Variants in SYN2 observed in about 807,000 individuals in gnomAD.
SYN2 encodes synapsin II.
Under a neutral mutation model 50.9 loss-of-function variants are expected in SYN2, and 19 were observed. The observed-to-expected ratio is 0.37, with a 90% CI of 0.26 to 0.55. The LOEUF is 0.55. SYN2 is among the 20% of genes least tolerant of loss of function. SYN2 has a pLI of 0.81. For missense variants in SYN2, 587 were observed against 576.4 expected, an observed-to-expected ratio of 1.02 and a Z score of -0.19; for synonymous variants, 255 against 224.9, an observed-to-expected ratio of 1.13 and a Z score of -1.20.
intron 1 of SYN2, among the ~76,000 whole-genome samples, chr3:12,068,565 A>G (rs1375601957): frequency 6.6e-6 from 1 of 152,116 alleles, no homozygotes; most frequent in Non-Finnish European, 1.5e-5. Flanking sequence ...GAATTCCTTC[A>G]TTGTTGATTT....
chr3:12,025,439 C>T (rs1694236889), intron 1 of SYN2, among the ~76,000 whole-genome samples: 1 of 152,166 alleles, frequency 6.6e-6, no homozygotes, highest in African/African-American at 2.4e-5. Context: ...GAGATACTGC[C>T]TAAGTGCTTT....
intron 1 of SYN2, among the ~76,000 whole-genome samples, chr3:12,069,310 A>G (rs1695288209): frequency 6.6e-6 from 1 of 150,686 alleles, no homozygotes; most frequent in Non-Finnish European, 1.5e-5. Context: ...GTGCAGTGGC[A>G]CAATCTCAGC....
At chr3:12,068,942 T>C (rs970889901) in intron 1 of SYN2, among the ~76,000 whole-genome samples, 2 of 152,222 alleles carry the variant, frequency 1.3e-5, no homozygotes, top group African/African-American at 4.8e-5. Flanking sequence ...CTTCTCAGCC[T>C]TAGGTCACCA....
intron 1 of SYN2, among the ~76,000 whole-genome samples, chr3:12,056,308 G>T (rs565928098): frequency 6.6e-6 from 1 of 152,208 alleles, no homozygotes; most frequent in East Asian, 1.9e-4. Context: ...GACTGGGACT[G>T]GGTATTGAAG....
intron 1 of SYN2, among the ~76,000 whole-genome samples, chr3:12,083,611 C>G (rs1433457351): frequency 6.6e-6 from 1 of 152,116 alleles, no homozygotes; most frequent in Non-Finnish European, 1.5e-5. Context: ...TCCTGAAATT[C>G]CTATGTCATT....
chr3:12,052,939 C>T (rs896948199), intron 1 of SYN2, among the ~76,000 whole-genome samples: 1 of 152,152 alleles, frequency 6.6e-6, no homozygotes, highest in African/African-American at 2.4e-5. Context: ...TCCCATATCT[C>T]TTCTGAAGAT....
chr3:12,137,982 G>A (rs1459502585), intron 1 of SYN2, among the ~76,000 whole-genome samples: 3 of 152,160 alleles, frequency 2.0e-5, no homozygotes, highest in Non-Finnish European at 4.4e-5. Context: ...AACCAGGAAA[G>A]GGTACAGCTA....
intron 1 of SYN2, among the ~76,000 whole-genome samples, chr3:12,103,306 A>T (rs982913163): frequency 6.6e-6 from 1 of 152,168 alleles, no homozygotes; most frequent in Non-Finnish European, 1.5e-5. Context: ...CCAGAAGGAA[A>T]ATCTAAGATG....
intron 1 of SYN2, among the ~76,000 whole-genome samples, chr3:12,051,148 T>G (rs1354577818): frequency 1.3e-5 from 2 of 152,188 alleles, no homozygotes; most frequent in Non-Finnish European, 2.9e-5. Flanking sequence ...ATCCTAGTCT[T>G]TTGACTTCCA....
intron 5 of SYN2, chr3:12,157,375 C>T: frequency 6.2e-7 from 1 of 1,613,652 alleles, no homozygotes; most frequent in South Asian, 1.1e-5. Context: ...CCCAGCCTGC[C>T]CCCATGTACC....
intron 10 of SYN2, among the ~76,000 whole-genome samples, chr3:12,179,628 A>C (rs78513075): frequency 6.6e-6 from 1 of 152,188 alleles, no homozygotes; most frequent in African/African-American, 2.4e-5. Flanking sequence ...CATTTATACC[A>C]TTTGGGAAAC....
chr3:12,070,380 C>G (rs1294902008), intron 1 of SYN2: 1 of 525,768 alleles, frequency 1.9e-6, no homozygotes, highest in Non-Finnish European at 3.8e-6. Flanking sequence ...AGAAGGACTC[C>G]TACGTGGGTG....
intron 5 of SYN2, among the ~76,000 whole-genome samples, chr3:12,158,348 A>G (rs1697520920): frequency 6.6e-6 from 1 of 152,116 alleles, no homozygotes; most frequent in African/African-American, 2.4e-5. Context: ...GGTAGTTACA[A>G]TGCAAGCCCT....
At chr3:12,123,589 T>TGAGACC (rs1313160489) in intron 1 of SYN2, among the ~76,000 whole-genome samples, 1 of 152,090 alleles carries the variant, frequency 6.6e-6, no homozygotes, top group Non-Finnish European at 1.5e-5. Flanking sequence ...GGCAATGTAG[T>TGAGACC]GAGACCCTGT....
intron 1 of SYN2, among the ~76,000 whole-genome samples, chr3:12,052,287 A>G (rs943526025): frequency 2.0e-5 from 3 of 151,626 alleles, no homozygotes; most frequent in African/African-American, 7.3e-5. Flanking sequence ...CCTCTGTTCT[A>G]TTCATTTCTT....
chr3:12,045,360 G>A lies in SYN2; in HGVS notation c.377+40432G>A, dbSNP rs566767478. ...AAATGGATTGTTCTTTGCTGCAAGC[G>A]GAGTTTTGTTTGTAAAATGTAGAAA... On this transcript the variant is annotated intron_variant, in intron 1 of 12. Transcript: ENST00000621198. Among the ~76,000 whole-genome samples, 9 of 152,308 alleles carry A rather than the reference G, an allele frequency of 5.9e-5. No homozygotes were observed. The East Asian group carries it at 1.7e-3, about 29-fold the overall frequency.
intron 1 of SYN2, among the ~76,000 whole-genome samples, chr3:12,080,145 G>C (rs982419815): frequency 2.6e-5 from 4 of 152,016 alleles, no homozygotes; most frequent in Non-Finnish European, 5.9e-5. Context: ...GGTCAGTGGT[G>C]ATATCCCCAT....
intron 1 of SYN2, among the ~76,000 whole-genome samples, chr3:12,138,665 A>G (rs1696951042): frequency 6.6e-6 from 1 of 152,244 alleles, no homozygotes; most frequent in African/African-American, 2.4e-5. Context: ...AGGAACAACT[A>G]GGGCAAGGAA....
intron 4 of SYN2, among the ~76,000 whole-genome samples, chr3:12,149,600 A>G (rs1697230486): frequency 6.6e-6 from 1 of 152,132 alleles, no homozygotes; most frequent in Non-Finnish European, 1.5e-5. Flanking sequence ...CCTCAATCTC[A>G]ATTTGTCAAA....
Sources: gnomAD v4.1 joint callset for allele counts (sites outside exome capture counted in the v4.1 genomes callset) on GRCh38, gnomAD v4.1.1 for gene constraint, MANE v1.5 for transcripts, NCBI Gene and HGNC (gene_info 2026-07-23, HGNC 2026-07-21) for gene names.